Variants in NUMA1 observed in about 807,000 individuals in gnomAD.
NUMA1 encodes nuclear mitotic apparatus protein 1.
Under a neutral mutation model 237.1 loss-of-function variants are expected in NUMA1, and 62 were observed. That is an observed-to-expected ratio of 0.26 (90% CI 0.21 to 0.32). The LOEUF (loss-of-function observed/expected upper bound fraction) is 0.32, where lower values mean the gene tolerates loss of function less well. NUMA1 is among the 10% of genes least tolerant of loss of function. NUMA1 has a pLI of 1.00. For synonymous variants in NUMA1, 1,028 were observed against 1,066.1 expected (o/e 0.96, Z 0.70); for missense variants, 2,533 against 2,666.5 (o/e 0.95, Z 1.10).
In NUMA1 at chr11:72,015,679, T is replaced by C. The variant is rs1194481411; in HGVS notation, c.1824A>G (p.Ala608=). ...ERDAALKQLE[A]LEKEKAAKLE... Reference sequence around the variant, plus strand: ...GCTTGGCAGCCTTCTCCTTCTCCAGTGCCTCCAGCTGCTTGAGAGCCGCAT... The same window carrying C: ...GCTTGGCAGCCTTCTCCTTCTCCAGCGCCTCCAGCTGCTTGAGAGCCGCAT... Residue 608 remains alanine (A), a synonymous_variant, in exon 15 of 27, where the codon GCA becomes GCG. Coordinates refer to ENST00000393695, the MANE Select transcript of NUMA1 (RefSeq NM_006185.4). The surrounding 1 kb of genome is among the most constrained non-coding windows in gnomAD (Gnocchi z 4.0). 2 of 1,614,010 alleles carry C rather than the reference T, an allele frequency of 1.2e-6. No homozygotes were observed. The highest frequency in any genetic ancestry group is 1.1e-5 in the South Asian group (1 of 91,088).
intron 1 of NUMA1, among the ~76,000 whole-genome samples, chr11:72,071,820 A>G (rs551545965): frequency 1.0e-3 from 156 of 152,372 alleles, no homozygotes; most frequent in South Asian, 6.8e-3. Flanking sequence ...TGAGAAGTAT[A>G]TAAGTATTTG....
chr11:72,030,689 C>T (rs938453710), intron 3 of NUMA1, among the ~76,000 whole-genome samples: 7 of 152,178 alleles, frequency 4.6e-5, no homozygotes, highest in African/African-American at 1.7e-4. Context: ...ATATTCAACA[C>T]TAAGAGGGGA....
In NUMA1 at chr11:72,017,764, G is replaced by A. The variant is rs752475976; in HGVS notation, c.1042C>T (p.His348Tyr). 2 of 1,613,112 alleles carry A rather than the reference G, an allele frequency of 1.2e-6. No individual in the cohort carries two copies. The highest frequency in any genetic ancestry group is 1.7e-6 in the Non-Finnish European group (2 of 1,179,908). Residue 348 changes from histidine to tyrosine, a missense_variant, in exon 13 of 27, where the codon CAC (histidine) becomes TAC (tyrosine). Transcript: ENST00000393695. ...AGCCACTCCTGAGTGGCCTTGCTGT[G>A]CTCCTCCGTCAGCTCATTGAGGGCA... ...QDALNELTEE[H>Y]SKATQEWLEK...
In NUMA1 at chr11:72,013,049, G is replaced by A; in HGVS notation, c.4454C>T (p.Ala1485Val). Residue 1485 changes from alanine (A) to valine (V), a missense_variant, in exon 15 of 27, where the codon GCT becomes GTT. This residue lies in a region of NUMA1 where 324 missense variants were observed against 407.6 expected (regional missense o/e 0.79). Transcript: ENST00000393695. This position sits in a 1 kb window ranked among gnomAD's most constrained non-coding sequence, Gnocchi z 6.8. The stretch of plus-strand genomic sequence containing the variant: ...CTCAGCCAGACGGGTCTCAGCATCA[G>A]CACGTACGGCTGCCAACTCTTGGAC... ...KYVQELAAVR[A>V]DAETRLAEVQ... 1 of 1,614,208 alleles carries A rather than the reference G, an allele frequency of 6.2e-7. No individual in the cohort carries two copies. The highest frequency in any genetic ancestry group is 8.5e-7 in the Non-Finnish European group (1 of 1,180,040).
Position 72,015,768 on chromosome 11 carries a change from G to A in NUMA1, c.1735C>T (p.Gln579Ter). ...EVAEKQEATR[Q>*]DHAQQLATAA... ...GTGGCCAGTTGCTGGGCATGGTCCT[G>A]CCTAGTTGCCTCCTGCTTCTCCGCT... The change falls in exon 15 of 27, where the codon CAG (glutamine) becomes TAG (stop). Residue 579 changes from glutamine (Q) to a stop codon, truncating the protein, a stop_gained. Coordinates refer to ENST00000393695, the MANE Select transcript of NUMA1 (RefSeq NM_006185.4). LOFTEE classifies it high-confidence loss of function. The surrounding 1 kb of genome is among the most constrained non-coding windows in gnomAD (Gnocchi z 4.0). The A allele has an allele frequency of 6.2e-7, 1 of 1,614,220 alleles. No individual in the cohort carries two copies. The highest frequency in any genetic ancestry group is 8.5e-7 in the Non-Finnish European group (1 of 1,180,048).
rs151173629 is a variant in NUMA1 at position 72,023,069 on chromosome 11, G to A, written c.287C>T (p.Ala96Val). ...AGTCTGGTATTCCATAGGTACCTTC[G>A]CCAGTTCCAGCTCTGATCCCTCTAG... ...KVLEGSELELAKMTMLLLYHS... is the reference protein window; with the variant it reads ...KVLEGSELELVKMTMLLLYHS... Residue 96 changes from alanine to valine, a missense_variant, in exon 6 of 27, where the codon GCG becomes GTG. Transcript: ENST00000393695. 1.2e-4 allele frequency: 195 copies of A among 1,612,628 alleles called. No individual in the cohort carries two copies. The highest frequency in any genetic ancestry group is 8.9e-4 in the East Asian group (40 of 44,856).
At chr11:72,062,467 C>T (rs963036452) in intron 2 of NUMA1, 1 of 152,198 alleles carries the variant, frequency 6.6e-6, no homozygotes, top group Admixed American at 6.5e-5. Flanking sequence ...AATCCCAGCA[C>T]TTTGGGAGGC....
intron 3 of NUMA1, among the ~76,000 whole-genome samples, chr11:72,032,741 G>A (rs1298375347): frequency 6.6e-6 from 1 of 152,180 alleles, no homozygotes; most frequent in Non-Finnish European, 1.5e-5. Context: ...TGCCTTTAAG[G>A]ATTGCAAGGT....
chr11:72,018,460 C>CGAGAA lies in NUMA1; in HGVS notation c.795_796insTTCTC (p.Glu266PhefsTer33). On this transcript the variant is annotated frameshift_variant, in exon 11 of 27. Coordinates refer to ENST00000393695, the MANE Select transcript of NUMA1 (RefSeq NM_006185.4). LOFTEE classifies it high-confidence loss of function. Reference sequence around the variant, plus strand: ...TCCAGTGGGCTGGCCGCCTGCTTCTCATTCAGCAGGGCTAGGCGGTCAATG... The same window carrying CGAGAA: ...TCCAGTGGGCTGGCCGCCTGCTTCTCGAGAAATTCAGCAGGGCTAGGCGGTCAATG... 6.2e-7 allele frequency: 1 copy of CGAGAA among 1,614,164 alleles called. No individual in the cohort carries two copies. The highest frequency in any genetic ancestry group is 8.5e-7 in the Non-Finnish European group (1 of 1,180,028).
Position 72,014,382 on chromosome 11 carries a change from G to C in NUMA1, c.3121C>G (p.Gln1041Glu), listed in dbSNP as rs753590318. The C allele has an allele frequency of 5.6e-6, 9 of 1,612,416 alleles. No homozygotes were observed. Among genetic ancestry groups the C allele is most frequent in the Non-Finnish European group, 7.6e-6 (9 of 1,180,030 alleles). Residue 1041 changes from glutamine to glutamate, a missense_variant, in exon 15 of 27, where the codon CAG becomes GAG. Coordinates refer to ENST00000393695, the MANE Select transcript of NUMA1 (RefSeq NM_006185.4). The surrounding 1 kb of genome is among the most constrained non-coding windows in gnomAD (Gnocchi z 4.6). The part of the protein sequence containing the change: ...EMRLQNALNE[Q>E]RVEFATLQEA... The stretch of plus-strand genomic sequence containing the variant: ...TGCAGGGTAGCGAACTCCACACGCT[G>C]CTCGTTGAGGGCGTTCTGCAGCCGC...
At position 72,003,267 on chromosome 11, in the gene NUMA1, ACTTTG is replaced by A. The variant is rs891668070; in HGVS notation, c.*255_*259del. ...CAAATCTGGTTGTGATGGAGAAGTG[ACTTTG>A]CTTTAAGAAAAAAGGAGGCAAGGTA... On this transcript the variant is annotated 3_prime_UTR_variant, in exon 27 of 27. Transcript: ENST00000393695. The A allele has an allele frequency of 5.1e-5, 27 of 530,854 alleles. No homozygotes were observed. The highest frequency in any genetic ancestry group is 2.8e-4 in the East Asian group (9 of 32,588). The allele number at this position is 530,854 out of a possible 1,614,324, so 32.9% of individuals were successfully genotyped here.
At chr11:72,005,194 C>T (rs1390054918) in intron 23 of NUMA1, 39 bp downstream of exon 23, 4 of 1,533,396 alleles carry the variant, frequency 2.6e-6, no homozygotes, top group Non-Finnish European at 3.5e-6. Context: ...CAAGGGAGGG[C>T]AGGGATGGGA....
intron 20 of NUMA1, 97 bp downstream of exon 20, chr11:72,008,591 T>C (rs754546407): frequency 7.4e-7 from 1 of 1,355,384 alleles, no homozygotes; most frequent in South Asian, 1.2e-5. Flanking sequence ...TCTCTAAGAA[T>C]AAATTTAGAT....
chr11:72,010,666 A>G, intron 17 of NUMA1, 120 bp downstream of exon 17: 1 of 940,000 alleles, frequency 1.1e-6, no homozygotes, highest in Non-Finnish European at 1.6e-6. Flanking sequence ...GCTTCCTAGG[A>G]GGGCTACCTG....
rs1955801543 is a variant in NUMA1 at position 72,007,346 on chromosome 11, G to A, written c.5306C>T (p.Ser1769Phe). The change falls in exon 21 of 27, where the codon TCC becomes TTC. Residue 1769 changes from serine (S) to phenylalanine (F), a missense_variant. By Grantham distance (155) the Ser-to-Phe change is radical. This residue lies in a region of NUMA1 where 795 missense variants were observed against 750.8 expected (regional missense o/e 1.06). Transcript: ENST00000393695. ...GGGAGTGAAGTAGAGACTCTCCAGG[G>A]ATTCTACCTTGGGGGGCAGGCGCTG... is the stretch of plus-strand genomic sequence containing the variant. ...ISQRLPPKVESLESLYFTPIP... is the reference protein window; with the variant it reads ...ISQRLPPKVEFLESLYFTPIP... The A allele has an allele frequency of 1.2e-6, 2 of 1,613,732 alleles. No individual in the cohort carries two copies. Among genetic ancestry groups the A allele is most frequent in the Non-Finnish European group, 1.7e-6 (2 of 1,179,878 alleles).
intron 3 of NUMA1, among the ~76,000 whole-genome samples, chr11:72,031,248 A>T (rs928471454): frequency 1.3e-5 from 2 of 152,004 alleles, no homozygotes; most frequent in Non-Finnish European, 2.9e-5. Flanking sequence ...AGTTACAATG[A>T]GCTATGATAG....
intron 1 of NUMA1, chr11:72,072,283 T>C (rs1267298289): frequency 1.3e-5 from 2 of 154,620 alleles, no homozygotes; most frequent in East Asian, 1.9e-4. Flanking sequence ...GAGGTCACAT[T>C]GCATCCACCT....
chr11:72,076,186 C>G (rs1487621111), intron 1 of NUMA1, among the ~76,000 whole-genome samples: 6 of 151,870 alleles, frequency 4.0e-5, no homozygotes, highest in Admixed American at 3.3e-4. Flanking sequence ...CCAGCCCGGG[C>G]AACATGGCAA....
At chr11:72,008,368 T>G in intron 20 of NUMA1, 1 of 423,006 alleles carries the variant, frequency 2.4e-6, no homozygotes, top group South Asian at 2.2e-5. Context: ...CGGTCTCCAA[T>G]GGGCCTTCCT....
Sources: allele counts gnomAD v4.1 joint callset (sites outside exome capture counted in the v4.1 genomes callset), GRCh38; gene constraint gnomAD v4.1.1; regional missense constraint gnomAD v4.1.1; non-coding constraint Gnocchi (gnomAD v3.1); transcripts MANE v1.5; gene names NCBI Gene and HGNC (gene_info 2026-07-23, HGNC 2026-07-21).